The following WLS variants were observed in gnomAD, a reference collection of about 807,000 sequenced individuals.
The protein encoded by WLS is protein wntless homolog.
Under a neutral mutation model 62.8 loss-of-function variants are expected in WLS, and 23 were observed. The observed-to-expected ratio is 0.37, with a 90% confidence interval of 0.26 to 0.52. WLS has a LOEUF of 0.52. Among genes scored for constraint, WLS ranks in the 20% least tolerant of loss-of-function variants. The pLI is 0.92. For missense variants in WLS, 615 were observed against 697.3 expected, an observed-to-expected ratio of 0.88 and a Z score of 1.33; for synonymous variants, 246 against 244.1, an observed-to-expected ratio of 1.01 and a Z score of -0.07.
chr1:68,098,659 G>A, exon 12 of WLS: 5 of 1,613,978 alleles, frequency 3.1e-6, no homozygotes, highest in Non-Finnish European at 4.2e-6. Context: ...CGTTGTCATT[G>A]ATGAAGGAAT....
At chr1:68,213,757 T>C (rs1446616122) in intron 1 of WLS, among the ~76,000 whole-genome samples, 1 of 152,188 alleles carries the variant, frequency 6.6e-6, no homozygotes, top group Non-Finnish European at 1.5e-5. Context: ...ACTGTCTTAT[T>C]TTATGGATCT....
chr1:68,222,175 G>A (rs1454713481), intron 1 of WLS, among the ~76,000 whole-genome samples: 1 of 152,160 alleles, frequency 6.6e-6, no homozygotes, highest in Non-Finnish European at 1.5e-5. Flanking sequence ...CGCAAGGACT[G>A]TGCTTTGGAT....
chr1:68,203,613 C>T (rs1256468457), intron 1 of WLS, among the ~76,000 whole-genome samples: 2 of 152,296 alleles, frequency 1.3e-5, no homozygotes, highest in Middle Eastern at 3.4e-3. Context: ...CCAGTTTTTA[C>T]CGGGTCTTGG....
intron 6 of WLS, 25 bp from the exon 7 acceptor site, chr1:68,148,685 G>A: frequency 6.2e-7 from 1 of 1,609,306 alleles, no homozygotes; most frequent in South Asian, 1.1e-5. Flanking sequence ...ATTGAGAAGG[G>A]AGATAGAGGG....
At chr1:68,138,878 A>G (rs1188888838) in intron 10 of WLS, among the ~76,000 whole-genome samples, 1 of 152,220 alleles carries the variant, frequency 6.6e-6, no homozygotes, top group Non-Finnish European at 1.5e-5. Context: ...AACTTTCTCT[A>G]GGAATCACTT....
exon 12 of WLS, chr1:68,098,675 G>A (rs530106043): frequency 1.6e-5 from 26 of 1,613,882 alleles, no homozygotes; most frequent in East Asian, 1.3e-4. Context: ...GGAATATTTC[G>A]AAGCGCTGAA....
At chr1:68,154,347 T>C (rs1646867833) in intron 4 of WLS, among the ~76,000 whole-genome samples, 1 of 152,216 alleles carries the variant, frequency 6.6e-6, no homozygotes. Flanking sequence ...ATTAGAAAGT[T>C]GCAGATATCC....
chr1:68,100,721 A>G (rs2100286383), intron 11 of WLS: 1 of 152,112 alleles, frequency 6.6e-6, no homozygotes, highest in South Asian at 2.1e-4. Flanking sequence ...GTCGGAATGG[A>G]CTCTTTGTGG....
chr1:68,122,307 G>A (rs1646373315), downstream of WLS, among the ~76,000 whole-genome samples: 1 of 152,128 alleles, frequency 6.6e-6, no homozygotes, highest in Non-Finnish European at 1.5e-5. Context: ...AGTTCCAAGG[G>A]CCCGATCAGC....
At position 68,148,615 on chromosome 1, in the gene WLS, C is replaced by T. The variant is rs755325364; in HGVS notation, c.1018G>A (p.Gly340Arg). ...NHIAGYWKQV[G>R]PIAVGSFCLF... ...CAGAAGGAGCCAACGGCAATGGGTC[C>T]GACTTGCTTCCAATACCCTGCGATG... Residue 340 changes from glycine to arginine, a missense_variant, in exon 7 of 12, where the codon GGA (glycine) becomes AGA (arginine). Physicochemically the swap from Gly to Arg is moderately radical, Grantham distance 125. Transcript: ENST00000262348. The T allele has an allele frequency of 9.9e-6, 16 of 1,613,930 alleles. No individual in the cohort carries two copies. The highest frequency in any genetic ancestry group is 5.0e-5 in the Admixed American group (3 of 60,004).
intron 1 of WLS, among the ~76,000 whole-genome samples, chr1:68,198,983 C>T (rs541300341): frequency 4.6e-5 from 7 of 152,280 alleles, no homozygotes; most frequent in South Asian, 2.1e-4. Context: ...TCTAGCCAAC[C>T]GCTAGCATTT....
chr1:68,131,087 T>TGTGTG (rs1557462863), intron 11 of WLS, among the ~76,000 whole-genome samples: 2 of 105,824 alleles, frequency 1.9e-5, no homozygotes, highest in African/African-American at 2.9e-5. Flanking sequence ...TGTGTGTGTG[T>TGTGTG]TTTTAAGTAG....
intron 6 of WLS, among the ~76,000 whole-genome samples, chr1:68,149,794 G>A (rs1438883364): frequency 6.6e-6 from 1 of 152,180 alleles, no homozygotes; most frequent in African/African-American, 2.4e-5. Context: ...CTGGGGACAG[G>A]ACAAGCAGGG....
chr1:68,122,058 C>G (rs1646369888), downstream of WLS, among the ~76,000 whole-genome samples: 1 of 152,180 alleles, frequency 6.6e-6, no homozygotes, highest in South Asian at 2.1e-4. Context: ...GCATTCTTTA[C>G]TGTAAAAGAT....
intron 9 of WLS, 72 bp downstream of exon 9, chr1:68,145,797 G>A (rs572067926): frequency 1.9e-6 from 3 of 1,583,880 alleles, no homozygotes; most frequent in Admixed American, 3.6e-5. Flanking sequence ...TCTCCAGGGT[G>A]TGTGTGTTTA....
intron 1 of WLS, among the ~76,000 whole-genome samples, chr1:68,219,583 A>G (rs1418799567): frequency 6.6e-6 from 1 of 152,196 alleles, no homozygotes; most frequent in Non-Finnish European, 1.5e-5. Flanking sequence ...TACCTCCACA[A>G]TAGGTCCAAA....
At chr1:68,150,491 A>G in intron 5 of WLS, 135 bp from the exon 6 acceptor site, 2 of 1,235,070 alleles carry the variant, frequency 1.6e-6, no homozygotes, top group Non-Finnish European at 1.1e-6. Context: ...TTTCTTCTGC[A>G]CAGAGATGCA....
In WLS at chr1:68,125,622, T is replaced by C; in HGVS notation, c.*604A>G. 1.0e-6 allele frequency: 1 copy of C among 985,546 alleles called. No individual in the cohort carries two copies. The highest frequency in any genetic ancestry group is 1.2e-6 in the Non-Finnish European group (1 of 829,996). 61.1% of individuals were successfully genotyped at this position (985,546 alleles called of 1,614,324 possible). On this transcript the variant is annotated 3_prime_UTR_variant, in exon 12 of 12. Transcript: ENST00000262348. Reference sequence around the variant, plus strand: ...AGATACACAGATTTGGTTTCAAAGCTGAAATACCCCTGGTGGAATAAATCT... The same window carrying C: ...AGATACACAGATTTGGTTTCAAAGCCGAAATACCCCTGGTGGAATAAATCT...
chr1:68,115,416 G>T (rs1374985638), intron 11 of WLS, among the ~76,000 whole-genome samples: 2 of 152,148 alleles, frequency 1.3e-5, no homozygotes, highest in African/African-American at 4.8e-5. Context: ...CAGTCCCTGG[G>T]GCCTAGAGCC....
Sources: allele counts gnomAD v4.1 joint callset (sites outside exome capture counted in the v4.1 genomes callset), GRCh38; gene constraint gnomAD v4.1.1; transcripts MANE v1.5; gene names NCBI Gene and HGNC (gene_info 2026-07-23, HGNC 2026-07-21).